Variants in NUP214 observed in about 807,000 individuals in gnomAD.
NUP214 encodes nuclear pore complex protein Nup214.
NUP214 carries 79 observed loss-of-function variants against 196.2 expected under a neutral mutation model. The ratio of observed to expected loss-of-function variants is 0.40; its 90% CI spans 0.34 to 0.49. The LOEUF (loss-of-function observed/expected upper bound fraction) is 0.49, where lower values mean the gene tolerates loss of function less well. NUP214 is among the 20% of genes least tolerant of loss of function. NUP214 has a pLI of 0.58. For synonymous variants in NUP214, 1,020 were observed against 990.5 expected (o/e 1.03, Z -0.56); for missense variants, 2,468 against 2,539.0 (o/e 0.97, Z 0.60).
Position 131,233,802 on chromosome 9 carries a change from T to C in NUP214, c.*315T>C. 7 of 439,372 alleles carry C rather than the reference T, an allele frequency of 1.6e-5. No individual in the cohort carries two copies. Among genetic ancestry groups the C allele is most frequent in the South Asian group, 1.5e-4 (7 of 45,222 alleles). 27.2% of individuals were successfully genotyped at this position (439,372 alleles called of 1,614,324 possible). A position where few individuals can be genotyped will look rare whatever the true frequency, so the allele number is the denominator to read the frequency against. ...AGCCTCCATCAGCCAGAACACTGTG[T>C]CTTCAAGGATGGCATCAGAAGTCAC... is the stretch of plus-strand genomic sequence containing the variant. On this transcript the variant is annotated 3_prime_UTR_variant, in exon 36 of 36. Transcript: ENST00000359428.
At chr9:131,134,824 T>G in intron 7 of NUP214, 74 bp from the exon 8 acceptor site, 1 of 878,152 alleles carries the variant, frequency 1.1e-6, no homozygotes, top group Non-Finnish European at 1.9e-6. Flanking sequence ...TGATTTATTA[T>G]TTGAGATTCT....
intron 32 of NUP214, among the ~76,000 whole-genome samples, chr9:131,226,719 C>G (rs1168266003): frequency 1.3e-5 from 2 of 152,018 alleles, no homozygotes; most frequent in Admixed American, 1.3e-4. Flanking sequence ...GAATGTTAAC[C>G]CAAACACGAG....
chr9:131,190,265 G>T, intron 26 of NUP214: 1 of 497,148 alleles, frequency 2.0e-6, no homozygotes, highest in Non-Finnish European at 3.5e-6. Context: ...TTTACAAAAA[G>T]GTTTTGAAAG....
intron 17 of NUP214, among the ~76,000 whole-genome samples, chr9:131,156,991 A>G (rs1029368421): frequency 6.6e-6 from 1 of 151,888 alleles, no homozygotes; most frequent in Non-Finnish European, 1.5e-5. Flanking sequence ...TAGGAGACAG[A>G]GTTTTGCTAT....
chr9:131,207,136 A>G (rs1834109363), intron 30 of NUP214, among the ~76,000 whole-genome samples: 1 of 152,374 alleles, frequency 6.6e-6, no homozygotes, highest in East Asian at 1.9e-4. Flanking sequence ...CTTCACTGCC[A>G]TAATAACACC....
intron 31 of NUP214, among the ~76,000 whole-genome samples, chr9:131,221,131 G>C (rs554085449): frequency 2.6e-5 from 4 of 152,334 alleles, no homozygotes; most frequent in African/African-American, 9.6e-5. Context: ...GGAATCAGAC[G>C]TAACTTTGGG....
intron 24 of NUP214, 158 bp from the exon 25 acceptor site, chr9:131,187,131 C>T: frequency 3.4e-6 from 2 of 592,546 alleles, no homozygotes; most frequent in Non-Finnish European, 6.0e-6. Context: ...AAAATTTATC[C>T]TTCAAAAAAA....
intron 24 of NUP214, among the ~76,000 whole-genome samples, chr9:131,184,803 T>C (rs979146412): frequency 6.6e-6 from 1 of 152,224 alleles, no homozygotes; most frequent in African/African-American, 2.4e-5. Context: ...AATTTACCAA[T>C]GGAGAAAATA....
At chr9:131,227,491 AAAAC>A (rs996522267) in intron 32 of NUP214, among the ~76,000 whole-genome samples, 5 of 152,122 alleles carry the variant, frequency 3.3e-5, no homozygotes, top group African/African-American at 4.8e-5. Context: ...TAAAAAAAAA[AAAAC>A]AAACCTCCAC....
chr9:131,162,922 GT>G (rs199853575), intron 18 of NUP214, 68 bp from the exon 19 acceptor site: 3 of 1,491,218 alleles, frequency 2.0e-6, no homozygotes, highest in East Asian at 2.3e-5. Context: ...AGTCTTGTTT[GT>G]TTTTTTACTG....
chr9:131,226,222 C>T lies in NUP214; in HGVS notation c.5903-1938C>T, dbSNP rs530430965. Among the ~76,000 whole-genome samples the T allele has an allele frequency of 5.3e-5, 8 of 152,204 alleles. No individual in the cohort carries two copies. In the East Asian group the frequency reaches 9.6e-4, roughly 18 times the overall value. ...AAGCACCTGGCATATAGTGGGCCCTCAATAAATCAGAAAGTTTATCATCAT... is the reference window on the plus strand; with the variant it reads ...AAGCACCTGGCATATAGTGGGCCCTTAATAAATCAGAAAGTTTATCATCAT... On this transcript the variant is annotated intron_variant, in intron 32 of 35. Transcript: ENST00000359428.
At chr9:131,178,632 T>C (rs1337616290) in intron 24 of NUP214, among the ~76,000 whole-genome samples, 6 of 152,140 alleles carry the variant, frequency 3.9e-5, no homozygotes. Context: ...AAGTTTGTCT[T>C]GATGCTGTAT....
intron 11 of NUP214, among the ~76,000 whole-genome samples, chr9:131,142,597 T>C (rs1831952190): frequency 6.6e-6 from 1 of 152,242 alleles, no homozygotes; most frequent in South Asian, 2.1e-4. Context: ...TTTTGATTTA[T>C]TTAGGGTCTG....
chr9:131,197,282 C>A lies in NUP214; in HGVS notation c.3788C>A (p.Pro1263His). ...DAFSSGGGSK[P>H]SYEAIPESSP... ...TTCTCATCTGGTGGGGGAAGCAAAC[C>A]TTCTTATGAGGCCATTCCTGAAAGC... The change falls in exon 29 of 36, where the codon CCT (proline) becomes CAT (histidine). Residue 1263 changes from proline (P) to histidine (H), a missense_variant. Physicochemically the swap from Pro to His is moderately conservative, Grantham distance 77 (BLOSUM62 -2). This residue lies in a region of NUP214 where 1,801 missense variants were observed against 1,779.4 expected (regional missense o/e 1.01). Coordinates refer to ENST00000359428, the MANE Select transcript of NUP214 (RefSeq NM_005085.4). 2 of 1,612,376 alleles carry A rather than the reference C, an allele frequency of 1.2e-6. No individual in the cohort carries two copies. The highest frequency in any genetic ancestry group is 2.2e-5 in the South Asian group (2 of 91,086).
rs1832685641 is a variant in NUP214 at position 131,163,005 on chromosome 9, C to T, written c.2555C>T (p.Pro852Leu). ...QKKKQRHLLV[P>L]ERETLFNTLA... ...GTTGTCAACAGGCACCTGCTTGTGC[C>T]AGAGCGAGAGACACTGTTTAACACC... Residue 852 changes from proline (P) to leucine (L), a missense_variant, in exon 19 of 36, where the codon CCA becomes CTA. Pro to Leu is a moderately conservative substitution (Grantham distance 98, BLOSUM62 -3). Coordinates refer to ENST00000359428, the MANE Select transcript of NUP214 (RefSeq NM_005085.4). 2 of 1,613,876 alleles carry T rather than the reference C, an allele frequency of 1.2e-6. No individual in the cohort carries two copies. Among genetic ancestry groups the T allele is most frequent in the South Asian group, 2.2e-5 (2 of 91,058 alleles).
intron 30 of NUP214, among the ~76,000 whole-genome samples, chr9:131,210,973 AT>A (rs1471105270): frequency 1.3e-5 from 2 of 152,228 alleles, no homozygotes; most frequent in Non-Finnish European, 2.9e-5. Flanking sequence ...ACCTAAATAA[AT>A]GAAAATACAT....
At chr9:131,213,805 G>GAA (rs34775627) in intron 30 of NUP214, among the ~76,000 whole-genome samples, 6,613 of 150,794 alleles carry the variant, frequency 0.044, 230 homozygotes, top group African/African-American at 0.09. Context: ...TTTAAAGGGG[G>GAA]AAAAAAAAGA....
intron 31 of NUP214, among the ~76,000 whole-genome samples, chr9:131,221,710 A>G (rs564467244): frequency 7.2e-4 from 110 of 152,276 alleles, no homozygotes; most frequent in African/African-American, 2.5e-3. Context: ...TGTGCCTCCC[A>G]TTTATGCCTT....
At chr9:131,163,282 C>T in intron 19 of NUP214, 109 bp downstream of exon 19, 3 of 1,077,554 alleles carry the variant, frequency 2.8e-6, no homozygotes, top group Non-Finnish European at 3.9e-6. Context: ...GTGTCTCTCA[C>T]CTGTGTAATC....
Sources: gnomAD v4.1 joint callset for allele counts (sites outside exome capture counted in the v4.1 genomes callset) on GRCh38, gnomAD v4.1.1 for gene constraint, gnomAD v4.1.1 regional missense constraint, MANE v1.5 for transcripts, NCBI Gene and HGNC (gene_info 2026-07-23, HGNC 2026-07-21) for gene names.